The following LUM variants were observed in gnomAD, a reference collection of about 807,000 sequenced individuals.
The protein encoded by LUM is lumican.
A neutral mutation model predicts 20.5 loss-of-function variants in LUM; 13 were observed. The observed-to-expected ratio is 0.63, with a 90% CI of 0.41 to 1.01. The LOEUF (loss-of-function observed/expected upper bound fraction) is 1.01, where lower values mean the gene tolerates loss of function less well. Among genes scored for constraint, LUM ranks in the 50% least tolerant of loss-of-function variants. The pLI, the probability that LUM is intolerant of heterozygous loss-of-function variation, is 0.00. For missense variants in LUM, 321 were observed against 391.1 expected (o/e 0.82, Z 1.51); for synonymous variants, 173 against 151.5 (o/e 1.14, Z -1.04).
chr12:91,108,063 C>T lies in LUM; in HGVS notation c.862+55G>A. ...AGATGCAATATCTGTGTTGTGCAGC[C>T]CAGGTATTTAAACACTTGAGCACAC... On this transcript the variant is annotated intron_variant, in intron 2 of 2. Transcript: ENST00000266718. This position sits in a 1 kb window ranked among gnomAD's most constrained non-coding sequence, Gnocchi z 4.2. The T allele has an allele frequency of 6.3e-7, 1 of 1,577,006 alleles. No individual in the cohort carries two copies. Among genetic ancestry groups the T allele is most frequent in the South Asian group, 1.1e-5 (1 of 89,630 alleles).
chr12:91,105,632 G>A (rs1880013357), intron 2 of LUM, among the ~76,000 whole-genome samples: 1 of 152,130 alleles, frequency 6.6e-6, no homozygotes, highest in African/African-American at 2.4e-5. Context: ...AAAAGACAAG[G>A]AGAATACCTG....
chr12:91,110,528 G>T (rs547533096), intron 1 of LUM, among the ~76,000 whole-genome samples: 2 of 152,142 alleles, frequency 1.3e-5, no homozygotes, highest in Admixed American at 1.3e-4. Context: ...TAAAAAGAAC[G>T]TGATGACATA....
chr12:91,107,255 GAAAGAAAGAAAGAAAGAAA>G (rs1880075108), intron 2 of LUM, among the ~76,000 whole-genome samples: 2 of 68,206 alleles, frequency 2.9e-5, no homozygotes, highest in African/African-American at 4.6e-5. Flanking sequence ...AAGAAAGAAA[GAAAGAAAGAAAGAAAGAAA>G]GAAAGAAAGA....
chr12:91,107,275 GAAAGAAAGAAAGA>G (rs1565758387), intron 2 of LUM, among the ~76,000 whole-genome samples: 2 of 78,952 alleles, frequency 2.5e-5, no homozygotes, highest in African/African-American at 9.9e-5. Flanking sequence ...AAGAAAGAAA[GAAAGAAAGAAAGA>G]GAAAGAAAGA....
Position 91,108,494 on chromosome 12 carries a change from G to T in LUM, c.486C>A (p.Thr162=). 2 of 1,613,992 alleles carry T rather than the reference G, an allele frequency of 1.2e-6. No homozygotes were observed. The highest frequency in any genetic ancestry group is 2.2e-5 in the South Asian group (2 of 91,064). ...GCCGATTGTGCTGGAGATGGATGAAGGTCAGGTTTACCAATCCTTCAAAAG... is the reference window on the plus strand; with the variant it reads ...GCCGATTGTGCTGGAGATGGATGAATGTCAGGTTTACCAATCCTTCAAAAG... ...LGSFEGLVNL[T]FIHLQHNRLK... The change falls in exon 2 of 3, where the codon ACC becomes ACA. Residue 162 remains threonine, a synonymous_variant. Coordinates refer to ENST00000266718, the MANE Select transcript of LUM (RefSeq NM_002345.4). This position sits in a 1 kb window ranked among gnomAD's most constrained non-coding sequence, Gnocchi z 4.2.
intron 2 of LUM, among the ~76,000 whole-genome samples, chr12:91,106,319 T>G (rs1244497683): frequency 6.6e-6 from 1 of 152,184 alleles, no homozygotes; most frequent in Non-Finnish European, 1.5e-5. Flanking sequence ...ATGTTCAAAT[T>G]CAATAGATTA....
Position 91,108,011 on chromosome 12 carries a change from G to T in LUM, c.862+107C>A. 1 of 1,301,304 alleles carries T rather than the reference G, an allele frequency of 7.7e-7. No individual in the cohort carries two copies. Among genetic ancestry groups the T allele is most frequent in the Non-Finnish European group, 1.1e-6 (1 of 899,474 alleles). 80.6% of individuals were successfully genotyped at this position (1,301,304 alleles called of 1,614,324 possible). A position where few individuals can be genotyped will look rare whatever the true frequency, so the allele number is the denominator to read the frequency against. ...TACAGGAATGAGCCACAGCGCCCGG[G>T]CGACATTTTGTTTTTTTAATGGAGC... is the stretch of plus-strand genomic sequence containing the variant. On this transcript the variant is annotated intron_variant, in intron 2 of 2. Coordinates refer to ENST00000266718, the MANE Select transcript of LUM (RefSeq NM_002345.4). This position sits in a 1 kb window ranked among gnomAD's most constrained non-coding sequence, Gnocchi z 4.2.
In LUM at chr12:91,103,368, A is replaced by G. The variant is rs1040711452; in HGVS notation, c.*797T>C. ...GTTGTGAAATCTAAGTACCTATTAT[A>G]GGTGTTTTTAAGAACTCTTTGTAAG... On this transcript the variant is annotated 3_prime_UTR_variant, in exon 3 of 3. Coordinates refer to ENST00000266718, the MANE Select transcript of LUM (RefSeq NM_002345.4). 3 of 152,108 alleles carry G rather than the reference A, an allele frequency of 2.0e-5. No homozygotes were observed. The highest frequency in any genetic ancestry group is 2.9e-5 in the Non-Finnish European group (2 of 67,958). 9.4% of individuals were successfully genotyped at this position (152,108 alleles called of 1,614,324 possible).
rs1880084207 is a variant in LUM at position 91,107,279 on chromosome 12, GAAAGAA to G, written c.862+833_862+838del. Reference sequence around the variant, plus strand: ...AGAAAGAAAGAAAGAAAGAAAGAAAGAAAGAAAGAGAAAGAAAGAAAGAAAGAAAGA... The same window carrying G: ...AGAAAGAAAGAAAGAAAGAAAGAAAGAGAGAAAGAAAGAAAGAAAGAAAGA... On this transcript the variant is annotated intron_variant, in intron 2 of 2. Coordinates refer to ENST00000266718, the MANE Select transcript of LUM (RefSeq NM_002345.4). Among the ~76,000 whole-genome samples the G allele has an allele frequency of 4.1e-5, 4 of 97,738 alleles. No individual in the cohort carries two copies. The Admixed American group carries it at 4.3e-4, about 11-fold the overall frequency. 64.1% of individuals were successfully genotyped at this position (97,738 alleles called of 152,430 possible). A position where few individuals can be genotyped will look rare whatever the true frequency, so the allele number is the denominator to read the frequency against.
chr12:91,107,943 G>C (rs971136330), intron 2 of LUM, among the ~76,000 whole-genome samples, 175 bp downstream of exon 2: 1 of 152,008 alleles, frequency 6.6e-6, no homozygotes, highest in African/African-American at 2.4e-5. Flanking sequence ...CTCAACTCCT[G>C]ACCTGGTGAT....
At chr12:91,110,689 G>A (rs1880185678) in intron 1 of LUM, among the ~76,000 whole-genome samples, 1 of 151,936 alleles carries the variant, frequency 6.6e-6, no homozygotes, top group Non-Finnish European at 1.5e-5. Flanking sequence ...ATATTTTTTG[G>A]CAAAGTAAAA....
In LUM at chr12:91,103,678, T is replaced by G. The variant is rs1380469959; in HGVS notation, c.*487A>C. ...TTCACTAGGTAAGTATGCAAATTCT[T>G]ATTCTAAAAATACTTCTTTAAGTGC... On this transcript the variant is annotated 3_prime_UTR_variant, in exon 3 of 3. Coordinates refer to ENST00000266718, the MANE Select transcript of LUM (RefSeq NM_002345.4). 1 of 152,358 alleles carries G rather than the reference T, an allele frequency of 6.6e-6. No homozygotes were observed. The highest frequency in any genetic ancestry group is 2.4e-5 in the African/African-American group (1 of 41,460). 9.4% of individuals were successfully genotyped at this position (152,358 alleles called of 1,614,324 possible). A position where few individuals can be genotyped will look rare whatever the true frequency, so the allele number is the denominator to read the frequency against.
At chr12:91,106,471 A>G (rs1880033839) in intron 2 of LUM, among the ~76,000 whole-genome samples, 1 of 152,072 alleles carries the variant, frequency 6.6e-6, no homozygotes, top group Non-Finnish European at 1.5e-5. Context: ...CTGGTAGGAA[A>G]TGGTGGATTT....
intron 2 of LUM, among the ~76,000 whole-genome samples, chr12:91,106,260 C>G (rs1880030357): frequency 6.6e-6 from 1 of 152,148 alleles, no homozygotes; most frequent in South Asian, 2.1e-4. Context: ...TTTCTGACAG[C>G]AATACCTTTA....
Position 91,109,029 on chromosome 12 carries a change from A to T in LUM, c.-21-29T>A, listed in dbSNP as rs753651991. On this transcript the variant is annotated intron_variant, in intron 1 of 2. Transcript: ENST00000266718. Reference sequence around the variant, plus strand: ...AATAAAGATGAAACATTTATTAATTAAAAAAATATATACTTTCAAGAAAAA... The same window carrying T: ...AATAAAGATGAAACATTTATTAATTTAAAAAATATATACTTTCAAGAAAAA... 30 of 1,397,164 alleles carry T rather than the reference A, an allele frequency of 2.1e-5. 1 individual carries two copies. Among genetic ancestry groups the T allele is most frequent in the Non-Finnish European group, 2.6e-5 (26 of 1,009,332 alleles). The allele number at this position is 1,397,164 out of a possible 1,614,324, so 86.5% of individuals were successfully genotyped here.
In LUM at chr12:91,103,470, T is replaced by C. The variant is rs577888608; in HGVS notation, c.*695A>G. 3.9e-5 allele frequency: 6 copies of C among 152,232 alleles called. No individual in the cohort carries two copies. The East Asian group carries it at 7.7e-4, about 20-fold the overall frequency. The allele number at this position is 152,232 out of a possible 1,614,324, so 9.4% of individuals were successfully genotyped here. A position where few individuals can be genotyped will look rare whatever the true frequency, so the allele number is the denominator to read the frequency against. On this transcript the variant is annotated 3_prime_UTR_variant, in exon 3 of 3. Coordinates refer to ENST00000266718, the MANE Select transcript of LUM (RefSeq NM_002345.4). ...AGTAAAATATTGCAGGCCAGAGATA[T>C]CTTTTGATTTCTAATCTATTGTTTT...
intron 2 of LUM, among the ~76,000 whole-genome samples, chr12:91,107,508 T>G (rs1880109318): frequency 6.6e-6 from 1 of 151,962 alleles, no homozygotes; most frequent in Non-Finnish European, 1.5e-5. Flanking sequence ...GACACAAATC[T>G]AAGCCATAAA....
chr12:91,109,116 T>G (rs1880147192), intron 1 of LUM, 116 bp from the exon 2 acceptor site: 1 of 758,104 alleles, frequency 1.3e-6, no homozygotes, highest in African/African-American at 1.8e-5. Context: ...TTATAGCTAT[T>G]TTTAGTGCAT....
At chr12:91,110,459 T>G (rs76656200) in intron 1 of LUM, among the ~76,000 whole-genome samples, 4,740 of 152,240 alleles carry the variant, frequency 0.031, 247 homozygotes, top group East Asian at 0.26. Flanking sequence ...CTCTAAGATT[T>G]TAATGGGGGC....
Sources: gnomAD v4.1 joint callset for allele counts (sites outside exome capture counted in the v4.1 genomes callset) on GRCh38, gnomAD v4.1.1 for gene constraint, Gnocchi (gnomAD v3.1) non-coding constraint, MANE v1.5 for transcripts, NCBI Gene and HGNC (gene_info 2026-07-23, HGNC 2026-07-21) for gene names.